Variants in EYS observed in about 807,000 individuals in gnomAD.
EYS encodes protein eyes shut homolog.
Under a neutral mutation model 282.1 loss-of-function variants are expected in EYS, and 250 were observed. The ratio of observed to expected loss-of-function variants is 0.89; its 90% CI spans 0.80 to 0.98. EYS has a LOEUF of 0.98. Ranked by LOEUF, EYS falls within the 50% of genes least tolerant of loss-of-function variation. The pLI is 0.00. For synonymous variants in EYS, 1,355 were observed against 1,282.9 expected (o/e 1.06, Z -1.20); for missense variants, 4,016 against 3,709.0 (o/e 1.08, Z -2.15).
At chr6:65,570,860 T>C (rs1212718260) in intron 2 of EYS, among the ~76,000 whole-genome samples, 1 of 152,162 alleles carries the variant, frequency 6.6e-6, no homozygotes, top group Non-Finnish European at 1.5e-5. Context: ...CTTCAGTAGA[T>C]TAAAAGTAAC....
chr6:65,059,990 A>T (rs1773522215), intron 12 of EYS, among the ~76,000 whole-genome samples: 1 of 152,022 alleles, frequency 6.6e-6, no homozygotes, highest in Non-Finnish European at 1.5e-5. Flanking sequence ...CTATTCTTAA[A>T]TATGTCTCTG....
At chr6:65,675,679 T>A (rs1209382734) in intron 1 of EYS, among the ~76,000 whole-genome samples, 1 of 151,828 alleles carries the variant, frequency 6.6e-6, no homozygotes, top group African/African-American at 2.4e-5. Flanking sequence ...CCCTTTTAAT[T>A]ATGGATAGAA....
At chr6:65,473,978 G>A (rs1472988549) in intron 5 of EYS, among the ~76,000 whole-genome samples, 1 of 152,012 alleles carries the variant, frequency 6.6e-6, no homozygotes, top group African/African-American at 2.4e-5. Flanking sequence ...CATTAAAGTG[G>A]TTGTGATTTT....
intron 37 of EYS, among the ~76,000 whole-genome samples, chr6:63,789,650 T>C (rs1315814469): frequency 6.6e-6 from 1 of 152,240 alleles, no homozygotes; most frequent in African/African-American, 2.4e-5. Flanking sequence ...GAGAATAGGA[T>C]AAAGACCAAT....
At chr6:64,650,616 G>C (rs1387635021) in intron 22 of EYS, among the ~76,000 whole-genome samples, 2 of 151,912 alleles carry the variant, frequency 1.3e-5, no homozygotes, top group African/African-American at 4.8e-5. Context: ...TGAGGAAAGG[G>C]GGAAAATTGG....
chr6:64,520,343 CT>C (rs5876903), intron 26 of EYS, among the ~76,000 whole-genome samples: 10,259 of 151,702 alleles, frequency 0.068, 730 homozygotes, highest in African/African-American at 0.18. Flanking sequence ...TAAAGTAAGA[CT>C]TTTTTTCTGT....
chr6:65,309,211 G>C (rs1448141675), intron 11 of EYS, among the ~76,000 whole-genome samples: 1 of 152,126 alleles, frequency 6.6e-6, no homozygotes, highest in Admixed American at 6.6e-5. Context: ...CATCAAGACA[G>C]TTTTGCGTGT....
intron 15 of EYS, among the ~76,000 whole-genome samples, chr6:64,930,378 CAT>C (rs979285698): frequency 6.7e-6 from 1 of 149,496 alleles, no homozygotes; most frequent in Non-Finnish European, 1.5e-5. Context: ...GATATTGTGC[CAT>C]AGATTGCTAT....
In EYS at chr6:64,012,362, T is replaced by C. The variant is rs79754548; in HGVS notation, c.6726-13179A>G. ...TGCTCAGCCAGAAGTTTTAGCTGACTAGTGACAGCTCTACATGAGAATAGC... is the reference window on the plus strand; with the variant it reads ...TGCTCAGCCAGAAGTTTTAGCTGACCAGTGACAGCTCTACATGAGAATAGC... On this transcript the variant is annotated intron_variant, in intron 33 of 42. Coordinates refer to ENST00000503581, the MANE Select transcript of EYS (RefSeq NM_001142800.2). Among the ~76,000 whole-genome samples, 503 of 152,254 alleles carry C rather than the reference T, an allele frequency of 3.3e-3. 3 individuals carry two copies. Among genetic ancestry groups the C allele is most frequent in the African/African-American group, 0.011 (475 of 41,544 alleles).
At chr6:64,475,367 C>T (rs1776229492) in intron 26 of EYS, among the ~76,000 whole-genome samples, 1 of 79,902 alleles carries the variant, frequency 1.3e-5, no homozygotes, top group Non-Finnish European at 2.9e-5. Flanking sequence ...CCGGCTAAAA[C>T]GGTGAAACCC....
At position 64,608,774 on chromosome 6, in the gene EYS, C is replaced by A. The variant is rs1335336112; in HGVS notation, c.3684+8644G>T. 2.0e-5 allele frequency among the ~76,000 whole-genome samples: 3 copies of A among 152,054 alleles called. No homozygotes were observed. The East Asian group carries it at 5.8e-4, about 29-fold the overall frequency. ...AAAAAATCCTGGAAGGATATTAAAT[C>A]CCCATTATTAAGTGAAAGAAGCCAA... is the stretch of plus-strand genomic sequence containing the variant. On this transcript the variant is annotated intron_variant, in intron 24 of 42. Coordinates refer to ENST00000503581, the MANE Select transcript of EYS (RefSeq NM_001142800.2).
intron 15 of EYS, among the ~76,000 whole-genome samples, chr6:64,916,106 A>T (rs1768154988): frequency 6.6e-6 from 1 of 152,166 alleles, no homozygotes; most frequent in Non-Finnish European, 1.5e-5. Flanking sequence ...TACTATGGCA[A>T]TTTTAAGAGG....
Position 65,384,414 on chromosome 6 carries a change from C to T in EYS, c.1271G>A (p.Trp424Ter). ...LLSINCLNEE[W>*]CFNIIGRFKY... Reference sequence around the variant, plus strand: ...GAATCTTCCAATTATATTGAAACACCATTCTTCATTCAGACAGTTGATGCT... The same window carrying T: ...GAATCTTCCAATTATATTGAAACACTATTCTTCATTCAGACAGTTGATGCT... The change falls in exon 8 of 43, where the codon TGG becomes TAG. Residue 424 changes from tryptophan (W) to a stop codon, truncating the protein, a stop_gained. Transcript: ENST00000503581. LOFTEE classifies it high-confidence loss of function. 1.2e-6 allele frequency: 2 copies of T among 1,606,624 alleles called. No individual in the cohort carries two copies. The highest frequency in any genetic ancestry group is 1.7e-6 in the Non-Finnish European group (2 of 1,175,272).
chr6:65,186,082 G>A (rs1283811450), intron 12 of EYS, among the ~76,000 whole-genome samples: 1 of 151,608 alleles, frequency 6.6e-6, no homozygotes, highest in Non-Finnish European at 1.5e-5. Flanking sequence ...TTCTGATATT[G>A]CAGATAAGAA....
chr6:65,016,548 G>A (rs1029100224), intron 13 of EYS, among the ~76,000 whole-genome samples: 13 of 152,260 alleles, frequency 8.5e-5, no homozygotes, highest in African/African-American at 2.4e-4. Context: ...GTAAATAATA[G>A]GGTGGAGATA....
intron 28 of EYS, among the ~76,000 whole-genome samples, chr6:64,415,189 G>T (rs755673139): frequency 2.6e-5 from 4 of 152,160 alleles, no homozygotes; most frequent in African/African-American, 4.8e-5. Flanking sequence ...AGCACCTTTA[G>T]CATCTGGTGG....
chr6:64,003,954 C>T (rs1025029574), intron 33 of EYS, among the ~76,000 whole-genome samples: 4 of 152,178 alleles, frequency 2.6e-5, no homozygotes, highest in African/African-American at 9.7e-5. Context: ...GCCTCCCCAG[C>T]CATGCCGAAC....
chr6:64,208,560 T>C (rs1765675106), intron 31 of EYS, among the ~76,000 whole-genome samples: 1 of 152,054 alleles, frequency 6.6e-6, no homozygotes, highest in Non-Finnish European at 1.5e-5. Context: ...CAAATAAAGG[T>C]TTAGAACCTA....
chr6:64,517,617 T>C (rs1413879796), intron 26 of EYS, among the ~76,000 whole-genome samples: 6 of 151,822 alleles, frequency 4.0e-5, no homozygotes, highest in Non-Finnish European at 7.4e-5. Flanking sequence ...CAGTTAGGAA[T>C]GCTTCCTTCC....
Sources: allele counts gnomAD v4.1 joint callset (sites outside exome capture counted in the v4.1 genomes callset), GRCh38; gene constraint gnomAD v4.1.1; transcripts MANE v1.5; gene names NCBI Gene and HGNC (gene_info 2026-07-23, HGNC 2026-07-21).